EPB41L4A: variants seen among roughly 807,000 people sequenced by gnomAD.
The protein encoded by EPB41L4A is band 4.1-like protein 4A.
In EPB41L4A, 100 loss-of-function variants were observed where a neutral mutation model predicts 108.6. That is an observed-to-expected ratio of 0.92 (90% confidence interval 0.78 to 1.09). The LOEUF is 1.09. Among genes scored for constraint, EPB41L4A ranks in the 50% least tolerant of loss-of-function variants. EPB41L4A has a pLI of 0.00. For missense variants in EPB41L4A, 1,030 were observed against 842.7 expected (o/e 1.22, Z -2.75); for synonymous variants, 319 against 289.0 (o/e 1.10, Z -1.05).
chr5:112,255,419 C>T (rs1176813292), intron 9 of EPB41L4A, among the ~76,000 whole-genome samples: 1 of 152,164 alleles, frequency 6.6e-6, no homozygotes, highest in Non-Finnish European at 1.5e-5. Flanking sequence ...CTCTAGGGTA[C>T]ACATACTTAA....
chr5:112,341,810 C>T (rs759776651), intron 1 of EPB41L4A, among the ~76,000 whole-genome samples: 2 of 151,948 alleles, frequency 1.3e-5, no homozygotes, highest in Non-Finnish European at 2.9e-5. Flanking sequence ...ATTGTTCATC[C>T]ATAACTACGT....
intron 12 of EPB41L4A, among the ~76,000 whole-genome samples, chr5:112,213,483 G>C (rs892090674): frequency 6.6e-6 from 1 of 151,912 alleles, no homozygotes; most frequent in East Asian, 1.9e-4. Flanking sequence ...TGAGTAGCTG[G>C]GATTACAGGC....
In EPB41L4A at chr5:112,242,410, T is replaced by C. The variant is rs529708740; in HGVS notation, c.796-1600A>G. On this transcript the variant is annotated intron_variant, in intron 9 of 22. Coordinates refer to ENST00000261486, the MANE Select transcript of EPB41L4A (RefSeq NM_022140.5). ...CTCCTTATTCCTTCAAGTTTTATCATGGGATTGCAGCAATTAAGTTATACC... is the reference window on the plus strand; with the variant it reads ...CTCCTTATTCCTTCAAGTTTTATCACGGGATTGCAGCAATTAAGTTATACC... Among the ~76,000 whole-genome samples, 8 of 152,376 alleles carry C rather than the reference T, an allele frequency of 5.3e-5. No individual in the cohort carries two copies. The South Asian group carries it at 1.4e-3, about 28-fold the overall frequency.
intron 1 of EPB41L4A, among the ~76,000 whole-genome samples, chr5:112,366,660 T>C (rs1367713261): frequency 6.6e-6 from 1 of 151,338 alleles, no homozygotes; most frequent in Non-Finnish European, 1.5e-5. Flanking sequence ...CCTGCTTGTG[T>C]CTTCCATTGG....
chr5:112,231,971 C>T (rs1013147786), intron 12 of EPB41L4A, among the ~76,000 whole-genome samples: 10 of 151,810 alleles, frequency 6.6e-5, no homozygotes, highest in African/African-American at 1.2e-4. Context: ...AAACATTAGC[C>T]GGGCGTGGTG....
intron 4 of EPB41L4A, among the ~76,000 whole-genome samples, chr5:112,270,176 G>A (rs1305362531): frequency 2.0e-5 from 3 of 152,182 alleles, no homozygotes; most frequent in Non-Finnish European, 4.4e-5. Context: ...TCCTGGCCAA[G>A]AACAGTCATG....
chr5:112,161,267 C>G (rs765180726), downstream of EPB41L4A: 18 of 308,580 alleles, frequency 5.8e-5, no homozygotes, highest in Admixed American at 1.3e-4. Flanking sequence ...ACGTGCGGTG[C>G]TCGTCGGGAG....
intron 16 of EPB41L4A, among the ~76,000 whole-genome samples, chr5:112,195,420 G>A (rs1761915291): frequency 6.6e-6 from 1 of 151,860 alleles, no homozygotes; most frequent in Admixed American, 6.6e-5. Flanking sequence ...GAGTTCTGCA[G>A]TGGTTTATAA....
intron 9 of EPB41L4A, among the ~76,000 whole-genome samples, chr5:112,245,825 G>A (rs1032328108): frequency 4.6e-5 from 7 of 152,178 alleles, no homozygotes; most frequent in Non-Finnish European, 8.8e-5. Flanking sequence ...CTGCAAAGAC[G>A]CTCCTGAAGG....
At chr5:112,317,893 A>G (rs1446943889) in intron 1 of EPB41L4A, among the ~76,000 whole-genome samples, 2 of 152,196 alleles carry the variant, frequency 1.3e-5, no homozygotes, top group Non-Finnish European at 2.9e-5. Context: ...CATATGAACA[A>G]AAGTTCTTCC....
intron 22 of EPB41L4A, among the ~76,000 whole-genome samples, chr5:112,167,578 G>A (rs2150194850): frequency 6.6e-6 from 1 of 152,178 alleles, no homozygotes; most frequent in African/African-American, 2.4e-5. Flanking sequence ...CCCTTACCCA[G>A]TGACTTCTAT....
chr5:112,407,084 T>C (rs567372822), intron 1 of EPB41L4A, among the ~76,000 whole-genome samples: 1 of 152,008 alleles, frequency 6.6e-6, no homozygotes, highest in Non-Finnish European at 1.5e-5. Context: ...GGCAAAAGCA[T>C]GAGTGGCTGA....
chr5:112,413,952 A>C (rs1002258949), intron 1 of EPB41L4A, among the ~76,000 whole-genome samples: 7 of 152,114 alleles, frequency 4.6e-5, no homozygotes, highest in Non-Finnish European at 8.8e-5. Flanking sequence ...GGAAAGGTGG[A>C]ATAAAGTTAA....
chr5:112,164,722 C>G lies in EPB41L4A; in HGVS notation c.*268G>C. 2 of 229,096 alleles carry G rather than the reference C, an allele frequency of 8.7e-6. No individual in the cohort carries two copies. The highest frequency in any genetic ancestry group is 1.0e-4 in the South Asian group (1 of 9,914). The allele number at this position is 229,096 out of a possible 1,614,324, so 14.2% of individuals were successfully genotyped here. On this transcript the variant is annotated 3_prime_UTR_variant, in exon 23 of 23. Coordinates refer to ENST00000261486, the MANE Select transcript of EPB41L4A (RefSeq NM_022140.5). ...TTGTGGTGCACGCCTGTAATCCCAGCTGCTCGGGAGCCTGAGACAGGAGAA... is the reference window on the plus strand; with the variant it reads ...TTGTGGTGCACGCCTGTAATCCCAGGTGCTCGGGAGCCTGAGACAGGAGAA...
intron 15 of EPB41L4A, chr5:112,196,979 A>T (rs1761993971): frequency 6.6e-6 from 1 of 152,214 alleles, no homozygotes; most frequent in African/African-American, 2.4e-5. Context: ...TGCTACCAAA[A>T]ATAAAAACTT....
intron 1 of EPB41L4A, among the ~76,000 whole-genome samples, chr5:112,330,409 T>C (rs1464141229): frequency 6.6e-6 from 1 of 152,180 alleles, no homozygotes; most frequent in Admixed American, 6.5e-5. Context: ...GGTAATTTGC[T>C]AAATTCATTT....
intron 12 of EPB41L4A, among the ~76,000 whole-genome samples, chr5:112,216,471 T>C (rs1212366107): frequency 6.6e-6 from 1 of 152,174 alleles, no homozygotes; most frequent in African/African-American, 2.4e-5. Context: ...TTCTGATATG[T>C]GGGGAAAATA....
intron 9 of EPB41L4A, among the ~76,000 whole-genome samples, chr5:112,258,811 G>C (rs960142615): frequency 2.0e-5 from 3 of 152,190 alleles, no homozygotes; most frequent in Admixed American, 2.0e-4. Context: ...ATGAGGAAAA[G>C]AGCAGAAGTA....
intron 12 of EPB41L4A, among the ~76,000 whole-genome samples, chr5:112,151,233 C>A (rs1277195110): frequency 3.3e-5 from 5 of 151,174 alleles, no homozygotes; most frequent in African/African-American, 1.2e-4. Context: ...GACTATAAAT[C>A]GATAAGAATG....
Sources: allele counts gnomAD v4.1 joint callset (sites outside exome capture counted in the v4.1 genomes callset), GRCh38; gene constraint gnomAD v4.1.1; transcripts MANE v1.5; gene names NCBI Gene and HGNC (gene_info 2026-07-23, HGNC 2026-07-21).